CCSER1: variants seen among roughly 807,000 people sequenced by gnomAD.
The protein encoded by CCSER1 is serine-rich coiled-coil domain-containing protein 1.
A neutral mutation model predicts 82.0 loss-of-function variants in CCSER1; 41 were observed. The observed-to-expected ratio is 0.50, with a 90% confidence interval of 0.39 to 0.65. CCSER1 has a LOEUF of 0.65. CCSER1 is among the 30% of genes least tolerant of loss of function. The pLI, the probability that CCSER1 is intolerant of heterozygous loss-of-function variation, is 0.00. For synonymous variants in CCSER1, 414 were observed against 383.9 expected, an observed-to-expected ratio of 1.08 and a Z score of -0.92; for missense variants, 1,119 against 1,064.2, an observed-to-expected ratio of 1.05 and a Z score of -0.72.
intron 1 of CCSER1, among the ~76,000 whole-genome samples, chr4:90,237,847 C>T (rs2153432490): frequency 6.6e-6 from 1 of 152,068 alleles, no homozygotes; most frequent in East Asian, 1.9e-4. Context: ...TCTAGGTTTC[C>T]AGAGTAGTGG....
At chr4:91,031,627 C>G (rs1039278245) in intron 9 of CCSER1, among the ~76,000 whole-genome samples, 1 of 151,994 alleles carries the variant, frequency 6.6e-6, no homozygotes, top group Non-Finnish European at 1.5e-5. Flanking sequence ...AAATGTAGAT[C>G]CATTGAAGTC....
chr4:91,019,959 C>G (rs776299555), intron 9 of CCSER1, among the ~76,000 whole-genome samples: 1 of 151,984 alleles, frequency 6.6e-6, no homozygotes, highest in Non-Finnish European at 1.5e-5. Flanking sequence ...GAAGAAAGAA[C>G]GTATATACTT....
intron 3 of CCSER1, among the ~76,000 whole-genome samples, chr4:90,334,603 T>C (rs1740015095): frequency 6.6e-6 from 1 of 152,140 alleles, no homozygotes; most frequent in Non-Finnish European, 1.5e-5. Context: ...ATATTATTTA[T>C]TCAATTATGC....
chr4:90,668,755 A>T (rs1055967720), intron 6 of CCSER1, among the ~76,000 whole-genome samples: 3 of 152,134 alleles, frequency 2.0e-5, no homozygotes, highest in African/African-American at 7.2e-5. Flanking sequence ...TTTTTAGATC[A>T]ACTTTTTCTA....
intron 10 of CCSER1, among the ~76,000 whole-genome samples, chr4:91,335,804 T>C (rs1747282344): frequency 6.7e-6 from 1 of 149,308 alleles, no homozygotes; most frequent in Non-Finnish European, 1.5e-5. Context: ...TCATGTTGAC[T>C]AGGATTTTTT....
At chr4:91,386,250 A>T (rs1751278643) in intron 10 of CCSER1, among the ~76,000 whole-genome samples, 2 of 151,950 alleles carry the variant, frequency 1.3e-5, no homozygotes, top group Admixed American at 1.3e-4. Context: ...AAATTATAGG[A>T]GTTTATCAAA....
chr4:91,184,235 G>C (rs1224161667), intron 10 of CCSER1, among the ~76,000 whole-genome samples: 4 of 152,226 alleles, frequency 2.6e-5, no homozygotes, highest in Non-Finnish European at 2.9e-5. Flanking sequence ...ACATACGACT[G>C]GCAAATTGTG....
intron 10 of CCSER1, among the ~76,000 whole-genome samples, chr4:91,313,926 G>T (rs997214235): frequency 4.6e-5 from 7 of 151,902 alleles, no homozygotes; most frequent in Non-Finnish European, 7.4e-5. Context: ...AGTTTAAAGT[G>T]GTTGTGTAGT....
chr4:90,856,677 A>G (rs1764501630), intron 8 of CCSER1, among the ~76,000 whole-genome samples: 1 of 152,182 alleles, frequency 6.6e-6, no homozygotes, highest in African/African-American at 2.4e-5. Context: ...CTCATAACTC[A>G]TTAGCTTGTG....
chr4:90,510,803 C>T (rs1474824967), intron 5 of CCSER1, among the ~76,000 whole-genome samples: 1 of 152,138 alleles, frequency 6.6e-6, no homozygotes, highest in Non-Finnish European at 1.5e-5. Flanking sequence ...ATAGGCCCAG[C>T]AGTAGAAAAA....
chr4:91,104,856 A>G (rs1173360678), intron 10 of CCSER1, among the ~76,000 whole-genome samples: 1 of 152,220 alleles, frequency 6.6e-6, no homozygotes, highest in Non-Finnish European at 1.5e-5. Context: ...TAATAAGGGC[A>G]ATAATCAGAT....
In CCSER1 at chr4:90,146,476, C is replaced by T. The variant is rs529850292; in HGVS notation, c.-42+18645C>T. Among the ~76,000 whole-genome samples, 7 of 151,992 alleles carry T rather than the reference C, an allele frequency of 4.6e-5. No homozygotes were observed. The South Asian group carries it at 1.5e-3, about 32-fold the overall frequency. On this transcript the variant is annotated intron_variant, in intron 1 of 10. Coordinates refer to ENST00000509176, the MANE Select transcript of CCSER1 (RefSeq NM_001145065.2). ...TGAATTAGCCTAGAAAAACAGCTAC[C>T]GTCATTCTAATTACTGGCAGCTTTG... is the stretch of plus-strand genomic sequence containing the variant.
chr4:90,242,733 A>C (rs977928196), intron 1 of CCSER1, among the ~76,000 whole-genome samples: 5 of 152,212 alleles, frequency 3.3e-5, no homozygotes, highest in African/African-American at 1.2e-4. Context: ...TATGTGACTG[A>C]TATGCACACA....
At chr4:91,211,244 G>C (rs1736796883) in intron 10 of CCSER1, among the ~76,000 whole-genome samples, 1 of 152,116 alleles carries the variant, frequency 6.6e-6, no homozygotes, top group East Asian at 1.9e-4. Flanking sequence ...GCTTGAACTA[G>C]GGATATAACG....
chr4:90,635,455 A>G (rs893478764), intron 6 of CCSER1, among the ~76,000 whole-genome samples: 1 of 151,718 alleles, frequency 6.6e-6, no homozygotes. Context: ...ACAAACTTCT[A>G]TATAACCCAC....
intron 4 of CCSER1, among the ~76,000 whole-genome samples, chr4:90,443,059 T>C (rs1364423166): frequency 6.6e-6 from 1 of 152,168 alleles, no homozygotes; most frequent in Non-Finnish European, 1.5e-5. Flanking sequence ...TCTATGATAA[T>C]GTTTAACTTA....
At chr4:90,133,155 T>C (rs1723091270) in intron 1 of CCSER1, among the ~76,000 whole-genome samples, 1 of 152,208 alleles carries the variant, frequency 6.6e-6, no homozygotes, top group African/African-American at 2.4e-5. Context: ...GTTTTATAAA[T>C]AAATACTTCC....
chr4:90,809,571 T>G (rs1411472731), intron 7 of CCSER1, among the ~76,000 whole-genome samples: 1 of 152,044 alleles, frequency 6.6e-6, no homozygotes, highest in Non-Finnish European at 1.5e-5. Context: ...AAAAATTACC[T>G]ATTGGGTACA....
chr4:90,598,760 T>TCACTC (rs1783677049), intron 5 of CCSER1, among the ~76,000 whole-genome samples: 6 of 152,022 alleles, frequency 3.9e-5, no homozygotes, highest in Admixed American at 2.6e-4. Context: ...CTGGGTTGGC[T>TCACTC]CAGGTGTCTA....
Sources: allele counts gnomAD v4.1 joint callset (sites outside exome capture counted in the v4.1 genomes callset), GRCh38; gene constraint gnomAD v4.1.1; transcripts MANE v1.5; gene names NCBI Gene and HGNC (gene_info 2026-07-23, HGNC 2026-07-21).